CPLX1: variants seen among roughly 807,000 people sequenced by gnomAD.
CPLX1 encodes complexin-1.
A neutral mutation model predicts 15.6 loss-of-function variants in CPLX1; 6 were observed. The observed-to-expected ratio is 0.39, with a 90% confidence interval of 0.21 to 0.76. The LOEUF is 0.76. Among genes scored for constraint, CPLX1 ranks in the 30% least tolerant of loss-of-function variants. CPLX1 has a pLI of 0.43. For synonymous variants in CPLX1, 91 were observed against 75.2 expected (o/e 1.21, Z -1.08); for missense variants, 242 against 188.6 (o/e 1.28, Z -1.66).
intron 2 of CPLX1, chr4:804,609 G>A (rs952920291): frequency 2.6e-6 from 1 of 382,286 alleles, no homozygotes; most frequent in African/African-American, 2.2e-5. Flanking sequence ...ACAATAATGT[G>A]CAATTGTATG....
chr4:805,594 T>C (rs1746542351), intron 2 of CPLX1, among the ~76,000 whole-genome samples: 1 of 152,214 alleles, frequency 6.6e-6, no homozygotes, highest in Admixed American at 6.5e-5. Context: ...AGCGATTCCA[T>C]TTCTGGGTAT....
intron 1 of CPLX1, among the ~76,000 whole-genome samples, chr4:825,491 A>G (rs1249021674): frequency 6.6e-6 from 1 of 151,562 alleles, no homozygotes; most frequent in Non-Finnish European, 1.5e-5. Flanking sequence ...GGCGCGGGGA[A>G]GGAGGGCACG....
rs976343998 is a variant in CPLX1, at chr4:785,579, C to T, written c.*922G>A. On this transcript the variant is annotated 3_prime_UTR_variant, in exon 4 of 4. Transcript: ENST00000304062. ...GCTCGGATGCCGCCCCGCAGGGCCA[C>T]CAGGTGGATTAGGCCACACACGCGC... The T allele has an allele frequency of 1.3e-5, 2 of 151,180 alleles. No homozygotes were observed. Among genetic ancestry groups the T allele is most frequent in the African/African-American group, 4.8e-5 (2 of 41,244 alleles). The allele number at this position is 151,180 out of a possible 1,614,324, so 9.4% of individuals were successfully genotyped here.
At chr4:802,527 A>G (rs1746478112) in intron 2 of CPLX1, among the ~76,000 whole-genome samples, 2 of 152,252 alleles carry the variant, frequency 1.3e-5, no homozygotes, top group Non-Finnish European at 2.9e-5. Flanking sequence ...ATTTTCCCTG[A>G]TCATAATCTA....
At position 803,882 on chromosome 4, in the gene CPLX1, G is replaced by C. The variant is rs114693933; in HGVS notation, c.32-11274C>G. On this transcript the variant is annotated intron_variant, in intron 2 of 3. Transcript: ENST00000304062. ...ATGGGGTTTCACCATGTTTGGCCAA[G>C]CTGTTCTCAAACTCCTGACCTCAAA... Among the ~76,000 whole-genome samples, 334 of 152,082 alleles carry C rather than the reference G, an allele frequency of 2.2e-3. 3 individuals are homozygous for C. The highest frequency in any genetic ancestry group is 7.8e-3 in the African/African-American group (322 of 41,470).
At chr4:800,658 G>C (rs1380045289) in intron 2 of CPLX1, among the ~76,000 whole-genome samples, 1 of 142,194 alleles carries the variant, frequency 7.0e-6, no homozygotes. Flanking sequence ...AGGCCAAGGC[G>C]GGCAGATGAC....
chr4:815,993 T>C (rs922848746), intron 2 of CPLX1, among the ~76,000 whole-genome samples: 8 of 152,208 alleles, frequency 5.3e-5, no homozygotes, highest in African/African-American at 1.9e-4. Flanking sequence ...TCTTTTGTTG[T>C]CTGTCCTTGA....
At chr4:787,598 T>C in intron 3 of CPLX1, 1 of 844,342 alleles carries the variant, frequency 1.2e-6, no homozygotes, top group South Asian at 5.5e-5. Context: ...AGGTCGCGAG[T>C]GGTCAAGAAA....
intron 3 of CPLX1, chr4:787,840 CG>C (rs920158951): frequency 1.0e-6 from 1 of 985,306 alleles, no homozygotes; most frequent in African/African-American, 1.7e-5. Context: ...CACGGAACTA[CG>C]GAACAGCCTC....
At chr4:824,808 TG>T (rs1412530870) in intron 1 of CPLX1, 1 of 642,644 alleles carries the variant, frequency 1.6e-6, no homozygotes, top group Admixed American at 2.1e-5. Context: ...CCCCAGCTCC[TG>T]GGGTGTCTGA....
intron 2 of CPLX1, among the ~76,000 whole-genome samples, chr4:801,853 A>G (rs1746466711): frequency 6.6e-6 from 1 of 152,252 alleles, no homozygotes. Flanking sequence ...TCACACAGAG[A>G]TACCACCACA....
intron 2 of CPLX1, among the ~76,000 whole-genome samples, chr4:809,926 A>T (rs1746631387): frequency 6.6e-6 from 1 of 152,134 alleles, no homozygotes; most frequent in Non-Finnish European, 1.5e-5. Flanking sequence ...TCACACCAGC[A>T]GCTCACCCCT....
intron 2 of CPLX1, among the ~76,000 whole-genome samples, chr4:808,573 A>C (rs1746599987): frequency 2.0e-5 from 3 of 152,254 alleles, no homozygotes; most frequent in Admixed American, 2.0e-4. Context: ...CCAGAAAGAC[A>C]AATGTCAAAA....
intron 3 of CPLX1, chr4:787,972 C>T: frequency 1.0e-6 from 1 of 985,434 alleles, no homozygotes; most frequent in Non-Finnish European, 1.2e-6. Context: ...GGTCCAAGGT[C>T]CTGGATCTGA....
chr4:799,863 A>AAAAAAT (rs766821291), intron 2 of CPLX1, among the ~76,000 whole-genome samples: 2 of 152,214 alleles, frequency 1.3e-5, no homozygotes, highest in Non-Finnish European at 2.9e-5. Flanking sequence ...GCTCCGTCTC[A>AAAAAAT]AAAAATAAAA....
intron 2 of CPLX1, among the ~76,000 whole-genome samples, chr4:820,520 C>T (rs1283519882): frequency 2.6e-5 from 4 of 152,188 alleles, no homozygotes; most frequent in African/African-American, 9.6e-5. Context: ...GCCCAGATCC[C>T]AGTTGCCTCC....
chr4:824,691 T>G (rs1577000724), intron 1 of CPLX1, 90 bp from the exon 2 acceptor site: 1 of 762,782 alleles, frequency 1.3e-6, no homozygotes, highest in Non-Finnish European at 2.3e-6. Context: ...CGCAATACCT[T>G]GTGGGCTGGA....
chr4:820,694 G>A (rs1746843464), intron 2 of CPLX1, among the ~76,000 whole-genome samples: 4 of 152,018 alleles, frequency 2.6e-5, no homozygotes, highest in Admixed American at 1.3e-4. Context: ...GGCTCTGGTG[G>A]TCTCTGCTCA....
chr4:806,647 G>GAC (rs1446296309), intron 2 of CPLX1, among the ~76,000 whole-genome samples: 2 of 152,146 alleles, frequency 1.3e-5, no homozygotes, highest in Non-Finnish European at 2.9e-5. Context: ...CTATCCATCT[G>GAC]ACAAAGGTCT....
Sources: allele counts gnomAD v4.1 joint callset (sites outside exome capture counted in the v4.1 genomes callset), GRCh38; gene constraint gnomAD v4.1.1; transcripts MANE v1.5; gene names NCBI Gene and HGNC (gene_info 2026-07-23, HGNC 2026-07-21).